SPRED1: variants seen among roughly 807,000 people sequenced by gnomAD.
The protein encoded by SPRED1 is sprouty-related, EVH1 domain-containing protein 1.
Under a neutral mutation model 52.3 loss-of-function variants are expected in SPRED1, and 18 were observed. The ratio of observed to expected loss-of-function variants is 0.34; its 90% CI spans 0.24 to 0.51. The LOEUF (loss-of-function observed/expected upper bound fraction) is 0.51. Among genes scored for constraint, SPRED1 ranks in the 20% least tolerant of loss-of-function variants. The probability of loss-of-function intolerance (pLI) is 0.97; values close to 1 mark genes in which losing one functional copy is unlikely to be tolerated. For missense variants in SPRED1, 485 were observed against 551.0 expected (o/e 0.88, Z 1.20); for synonymous variants, 155 against 179.7 (o/e 0.86, Z 1.10).
In SPRED1 at chr15:38,356,079, T is replaced by C. The variant is rs1200144633; in HGVS notation, c.*4415T>C. On this transcript the variant is annotated 3_prime_UTR_variant, in exon 7 of 7. Coordinates refer to ENST00000299084, the MANE Select transcript of SPRED1 (RefSeq NM_152594.3). ...AGTTGTTTTGAAATTTTTTCAAGAA[T>C]AAACTAGTTGAAAAGTCTTTGTATT... 4 of 152,206 alleles carry C rather than the reference T, an allele frequency of 2.6e-5. No homozygotes were observed. The highest frequency in any genetic ancestry group is 5.9e-5 in the Non-Finnish European group (4 of 68,002). The allele number at this position is 152,206 out of a possible 1,614,324, so 9.4% of individuals were successfully genotyped here. A position where few individuals can be genotyped will look rare whatever the true frequency, so the allele number is the denominator to read the frequency against.
intron 1 of SPRED1, among the ~76,000 whole-genome samples, chr15:38,254,286 A>G (rs1894045876): frequency 6.6e-6 from 1 of 152,212 alleles, no homozygotes; most frequent in Admixed American, 6.5e-5. Flanking sequence ...ATAACTTTTT[A>G]AAGTCTGTAC....
chr15:38,339,295 G>C (rs1895984138), intron 4 of SPRED1, among the ~76,000 whole-genome samples: 1 of 152,210 alleles, frequency 6.6e-6, no homozygotes, highest in East Asian at 1.9e-4. Context: ...GTAGACTAAT[G>C]TTGTCTTCTG....
intron 5 of SPRED1, among the ~76,000 whole-genome samples, chr15:38,347,544 A>C (rs1456316559): frequency 6.9e-6 from 1 of 145,836 alleles, no homozygotes; most frequent in African/African-American, 2.6e-5. Flanking sequence ...TCTGATGAAG[A>C]ATCCTTTTGT....
intron 2 of SPRED1, among the ~76,000 whole-genome samples, chr15:38,299,888 C>G (rs1166866395): frequency 6.6e-6 from 1 of 152,128 alleles, no homozygotes; most frequent in Non-Finnish European, 1.5e-5. Flanking sequence ...AGGCCAAATG[C>G]AAGCCCACCA....
chr15:38,262,987 C>T (rs973524696), intron 1 of SPRED1, among the ~76,000 whole-genome samples: 2 of 152,092 alleles, frequency 1.3e-5, no homozygotes, highest in Non-Finnish European at 2.9e-5. Flanking sequence ...TAAAGCAGGG[C>T]TTCTTAGGAC....
At chr15:38,290,991 A>G (rs1213797776) in intron 1 of SPRED1, among the ~76,000 whole-genome samples, 4 of 152,214 alleles carry the variant, frequency 2.6e-5, no homozygotes, top group Non-Finnish European at 4.4e-5. Flanking sequence ...CCAAAAGTCC[A>G]GAGTCCAAAG....
chr15:38,322,149 A>G, intron 2 of SPRED1, 92 bp from the exon 3 acceptor site: 1 of 1,219,518 alleles, frequency 8.2e-7, no homozygotes, highest in Non-Finnish European at 1.2e-6. Flanking sequence ...ATTAAAAAGT[A>G]ATAGCGTTGT....
intron 1 of SPRED1, among the ~76,000 whole-genome samples, chr15:38,275,324 G>A (rs1318061723): frequency 6.6e-6 from 1 of 151,980 alleles, no homozygotes; most frequent in Non-Finnish European, 1.5e-5. Flanking sequence ...TTTTCAGCAC[G>A]TCCTTTCTGG....
Position 38,351,202 on chromosome 15 carries a change from C to G in SPRED1, c.873C>G (p.Asp291Glu). The change falls in exon 7 of 7, where the codon GAC becomes GAG. Residue 291 changes from aspartate (D) to glutamate (E), a missense_variant. Asp to Glu is a conservative substitution (Grantham distance 45). Coordinates refer to ENST00000299084, the MANE Select transcript of SPRED1 (RefSeq NM_152594.3). ...CTAAACCAGACAGTAAAAAATCAGA[C>G]TATCTGTACTCTTGTGGGGATGAGA... ...QFSKPDSKKS[D>E]YLYSCGDETK... The G allele has an allele frequency of 1.9e-6, 3 of 1,614,060 alleles. No individual in the cohort carries two copies. Among genetic ancestry groups the G allele is most frequent in the Non-Finnish European group, 2.5e-6 (3 of 1,179,996 alleles).
rs1888609335 is a variant in SPRED1 at position 38,355,948 on chromosome 15, T to C, written c.*4284T>C. The C allele has an allele frequency of 6.6e-6, 1 of 151,998 alleles. No individual in the cohort carries two copies. The highest frequency in any genetic ancestry group is 1.5e-5 in the Non-Finnish European group (1 of 67,980). 9.4% of individuals were successfully genotyped at this position (151,998 alleles called of 1,614,324 possible). ...CAAAAGAAAAAAAAAGGCTTTAAGGTATTAGGTACTGTTTGCCTAGCAGCC... is the reference window on the plus strand; with the variant it reads ...CAAAAGAAAAAAAAAGGCTTTAAGGCATTAGGTACTGTTTGCCTAGCAGCC... On this transcript the variant is annotated 3_prime_UTR_variant, in exon 7 of 7. Coordinates refer to ENST00000299084, the MANE Select transcript of SPRED1 (RefSeq NM_152594.3).
chr15:38,337,998 C>T (rs1057020257), intron 4 of SPRED1, among the ~76,000 whole-genome samples: 8 of 139,394 alleles, frequency 5.7e-5, no homozygotes, highest in Admixed American at 5.3e-4. Context: ...GTCAGGAGTT[C>T]GAGACCAGCC....
At chr15:38,310,250 C>G (rs1895340502) in intron 2 of SPRED1, among the ~76,000 whole-genome samples, 1 of 151,998 alleles carries the variant, frequency 6.6e-6, no homozygotes. Flanking sequence ...AAGCTTTTCT[C>G]CTGCCTCAGC....
chr15:38,253,782 A>G (rs1894034569), intron 1 of SPRED1, among the ~76,000 whole-genome samples: 1 of 152,138 alleles, frequency 6.6e-6, no homozygotes, highest in Non-Finnish European at 1.5e-5. Flanking sequence ...TTTAGAATTT[A>G]ATAGGATTAA....
chr15:38,340,973 T>C (rs1320126157), intron 5 of SPRED1, among the ~76,000 whole-genome samples: 2 of 150,352 alleles, frequency 1.3e-5, no homozygotes, highest in Admixed American at 1.3e-4. Flanking sequence ...TAGAATTCCT[T>C]AGTGAAGCCA....
chr15:38,273,923 A>T (rs962821767), intron 1 of SPRED1, among the ~76,000 whole-genome samples: 3 of 152,200 alleles, frequency 2.0e-5, no homozygotes, highest in Admixed American at 6.5e-5. Flanking sequence ...ACTTGCTAAG[A>T]CAAGAAATGA....
At chr15:38,313,298 C>T (rs1156818778) in intron 2 of SPRED1, among the ~76,000 whole-genome samples, 1 of 151,892 alleles carries the variant, frequency 6.6e-6, no homozygotes, top group Non-Finnish European at 1.5e-5. Flanking sequence ...TGCCATAGCT[C>T]TTTAGTCTTC....
At chr15:38,302,812 A>G (rs560796353) in intron 2 of SPRED1, among the ~76,000 whole-genome samples, 70 of 152,204 alleles carry the variant, frequency 4.6e-4, no homozygotes, top group Non-Finnish European at 9.0e-4. Flanking sequence ...AGAAAATGAA[A>G]GTACTACCTT....
At chr15:38,298,530 G>A (rs1158669521) in intron 1 of SPRED1, 4 of 319,344 alleles carry the variant, frequency 1.3e-5, no homozygotes, top group South Asian at 4.9e-5. Context: ...TTAACTTCTG[G>A]TACACAAAAC....
At chr15:38,286,374 T>G (rs1894810651) in intron 1 of SPRED1, among the ~76,000 whole-genome samples, 1 of 152,142 alleles carries the variant, frequency 6.6e-6, no homozygotes, top group African/African-American at 2.4e-5. Context: ...TAGGACAGTT[T>G]TTAAAATTTC....
Sources: allele counts gnomAD v4.1 joint callset (sites outside exome capture counted in the v4.1 genomes callset), GRCh38; gene constraint gnomAD v4.1.1; transcripts MANE v1.5; gene names NCBI Gene and HGNC (gene_info 2026-07-23, HGNC 2026-07-21).